The following LHFPL3 variants were observed in gnomAD, a reference collection of about 807,000 sequenced individuals.
LHFPL3 encodes LHFPL tetraspan subfamily member 3 protein.
In LHFPL3, 5 loss-of-function variants were observed where a neutral mutation model predicts 19.3. That is an observed-to-expected ratio of 0.26 (90% CI 0.14 to 0.54). The LOEUF is 0.54. Ranked by LOEUF, LHFPL3 falls within the 20% of genes least tolerant of loss-of-function variation. The pLI, the probability that LHFPL3 is intolerant of heterozygous loss-of-function variation, is 0.94. For missense variants in LHFPL3, 249 were observed against 307.4 expected, an observed-to-expected ratio of 0.81 and a Z score of 1.42; for synonymous variants, 133 against 126.2, an observed-to-expected ratio of 1.05 and a Z score of -0.36.
chr7:104,807,446 G>A (rs1047722823), intron 2 of LHFPL3, among the ~76,000 whole-genome samples: 3 of 152,136 alleles, frequency 2.0e-5, no homozygotes, highest in Non-Finnish European at 2.9e-5. Context: ...AAGCCACACC[G>A]TTTGTGGTAC....
chr7:104,461,409 A>G (rs1792660210), intron 1 of LHFPL3, among the ~76,000 whole-genome samples: 4 of 152,168 alleles, frequency 2.6e-5, no homozygotes, highest in African/African-American at 4.8e-5. Context: ...TCCAATTTCA[A>G]TCATCTGCAT....
chr7:104,877,024 G>A (rs1024323205), intron 2 of LHFPL3, among the ~76,000 whole-genome samples: 1 of 151,974 alleles, frequency 6.6e-6, no homozygotes, highest in African/African-American at 2.4e-5. Context: ...ACTATCACAA[G>A]GACAAAAAAC....
chr7:104,626,513 G>A (rs963335506), intron 1 of LHFPL3, among the ~76,000 whole-genome samples: 1 of 152,026 alleles, frequency 6.6e-6, no homozygotes, highest in African/African-American at 2.4e-5. Flanking sequence ...TGCAGTTTGG[G>A]GTATTTGACA....
At chr7:104,462,518 T>C (rs1270604977) in intron 1 of LHFPL3, among the ~76,000 whole-genome samples, 1 of 152,234 alleles carries the variant, frequency 6.6e-6, no homozygotes, top group Non-Finnish European at 1.5e-5. Flanking sequence ...TCTTTAGTTC[T>C]GTTTATGTGA....
chr7:104,409,000 G>C (rs1351867112), intron 1 of LHFPL3, among the ~76,000 whole-genome samples: 1 of 151,290 alleles, frequency 6.6e-6, no homozygotes, highest in East Asian at 1.9e-4. Context: ...GAGTAGCAGG[G>C]ACTACAGGCG....
At chr7:104,589,488 T>C (rs372147662) in intron 1 of LHFPL3, among the ~76,000 whole-genome samples, 1 of 152,328 alleles carries the variant, frequency 6.6e-6, no homozygotes, top group East Asian at 1.9e-4. Context: ...GATAAGCTTT[T>C]TGATGTGCTG....
chr7:104,384,038 G>T (rs1191426724), intron 1 of LHFPL3, among the ~76,000 whole-genome samples: 2 of 152,092 alleles, frequency 1.3e-5, no homozygotes, highest in Non-Finnish European at 2.9e-5. Context: ...CTGTATGATG[G>T]GAGAAGTAGA....
intron 1 of LHFPL3, among the ~76,000 whole-genome samples, chr7:104,689,795 G>C (rs1021239879): frequency 6.6e-6 from 1 of 152,144 alleles, no homozygotes; most frequent in Non-Finnish European, 1.5e-5. Flanking sequence ...TGGAGGTCAG[G>C]TAATTAATGA....
At chr7:104,685,488 C>G (rs1274045908) in intron 1 of LHFPL3, among the ~76,000 whole-genome samples, 1 of 152,098 alleles carries the variant, frequency 6.6e-6, no homozygotes, top group Non-Finnish European at 1.5e-5. Context: ...AATAACATGA[C>G]CCAAGCCCAG....
chr7:104,493,777 A>G (rs547397509), intron 1 of LHFPL3, among the ~76,000 whole-genome samples: 2 of 151,604 alleles, frequency 1.3e-5, no homozygotes, highest in South Asian at 2.1e-4. Context: ...CTCCTGAGCT[A>G]TTATAATCAC....
At chr7:104,665,854 T>G (rs1388246327) in intron 1 of LHFPL3, among the ~76,000 whole-genome samples, 1 of 152,224 alleles carries the variant, frequency 6.6e-6, no homozygotes, top group African/African-American at 2.4e-5. Flanking sequence ...CAAACAAGAC[T>G]CTCTGACTTC....
intron 1 of LHFPL3, among the ~76,000 whole-genome samples, chr7:104,563,381 G>A (rs375671680): frequency 6.1e-4 from 90 of 148,066 alleles, no homozygotes; most frequent in African/African-American, 1.7e-3. Context: ...ATATAATCTC[G>A]TGGTGCACCG....
chr7:104,720,092 T>C (rs781443373), intron 1 of LHFPL3, among the ~76,000 whole-genome samples: 30 of 152,264 alleles, frequency 2.0e-4, no homozygotes, highest in Middle Eastern at 3.4e-3. Context: ...AAGGACTTAC[T>C]AGTCTGCACT....
chr7:104,788,904 G>T (rs1315508130), intron 2 of LHFPL3, among the ~76,000 whole-genome samples: 2 of 152,260 alleles, frequency 1.3e-5, no homozygotes, highest in South Asian at 2.1e-4. Context: ...AAAATATATA[G>T]CAGAAGTTAC....
chr7:104,833,042 TATTA>T (rs372397257), intron 2 of LHFPL3, among the ~76,000 whole-genome samples: 1 of 1,368 alleles, frequency 7.3e-4, no homozygotes, highest in Non-Finnish European at 1.5e-3. Context: ...TATATATATA[TATTA>T]TATATATATT....
intron 1 of LHFPL3, among the ~76,000 whole-genome samples, chr7:104,578,446 C>A (rs913009593): frequency 2.6e-5 from 4 of 152,134 alleles, no homozygotes; most frequent in African/African-American, 7.2e-5. Flanking sequence ...GGGTTCTAGG[C>A]CCCAGGCAGG....
At chr7:104,591,321 G>A (rs1385588683) in intron 1 of LHFPL3, among the ~76,000 whole-genome samples, 1 of 152,044 alleles carries the variant, frequency 6.6e-6, no homozygotes, top group Non-Finnish European at 1.5e-5. Context: ...GGTGACAAAA[G>A]TCTCTCAGCA....
intron 2 of LHFPL3, among the ~76,000 whole-genome samples, chr7:104,811,220 GGTCTCCCTCT>G (rs1790464752): frequency 7.1e-6 from 1 of 140,234 alleles, no homozygotes; most frequent in Non-Finnish European, 1.5e-5. Context: ...TTTGACACAG[GGTCTCCCTCT>G]GTCTCCCAGG....
At chr7:104,820,432 G>A (rs1454642007) in intron 2 of LHFPL3, among the ~76,000 whole-genome samples, 1 of 152,200 alleles carries the variant, frequency 6.6e-6, no homozygotes, top group Non-Finnish European at 1.5e-5. Flanking sequence ...AGCCAACCAT[G>A]CCTTGTCAAA....
Sources: allele counts gnomAD v4.1 joint callset (sites outside exome capture counted in the v4.1 genomes callset), GRCh38; gene constraint gnomAD v4.1.1; transcripts MANE v1.5; gene names NCBI Gene and HGNC (gene_info 2026-07-23, HGNC 2026-07-21).